The following ME3 variants were observed in gnomAD, a reference collection of about 807,000 sequenced individuals.
ME3 encodes the protein malic enzyme 3.
In ME3, 48 loss-of-function variants were observed where a neutral mutation model predicts 68.9. The observed-to-expected ratio is 0.70, with a 90% CI of 0.55 to 0.89. The LOEUF is 0.89. Among genes scored for constraint, ME3 ranks in the 40% least tolerant of loss-of-function variants. ME3 has a pLI of 0.00. For synonymous variants in ME3, 320 were observed against 318.8 expected, an observed-to-expected ratio of 1.00 and a Z score of -0.04; for missense variants, 675 against 797.4, an observed-to-expected ratio of 0.85 and a Z score of 1.85.
chr11:86,545,992 G>T (rs547079585), intron 4 of ME3, among the ~76,000 whole-genome samples: 45 of 152,136 alleles, frequency 3.0e-4, no homozygotes, highest in Non-Finnish European at 5.6e-4. Flanking sequence ...CAGAACAGAG[G>T]CCTCAGAAAT....
At chr11:86,450,484 GGACTGTGGAGGAACAGGC>G in intron 8 of ME3, 86 bp from the exon 9 acceptor site, 2 of 1,096,916 alleles carry the variant, frequency 1.8e-6, no homozygotes, top group Non-Finnish European at 2.7e-6. Flanking sequence ...CCCACATCTG[GGACTGTGGAGGAACAGGC>G]AACTTTTCTT....
At chr11:86,586,036 A>G (rs574874475) in intron 2 of ME3, among the ~76,000 whole-genome samples, 8 of 152,322 alleles carry the variant, frequency 5.3e-5, no homozygotes, top group Non-Finnish European at 1.0e-4. Flanking sequence ...GAGTTGATGG[A>G]GTTATACTGG....
At chr11:86,569,132 G>A (rs572889969) in intron 2 of ME3, among the ~76,000 whole-genome samples, 5 of 152,184 alleles carry the variant, frequency 3.3e-5, no homozygotes, top group Non-Finnish European at 2.9e-5. Flanking sequence ...TTGTGTTCAC[G>A]GGGCAGGGTG....
chr11:86,550,749 A>T (rs1029923657), intron 4 of ME3, among the ~76,000 whole-genome samples: 2 of 151,876 alleles, frequency 1.3e-5, no homozygotes, highest in Non-Finnish European at 2.9e-5. Context: ...TTCCCAACCA[A>T]CGGACACCTG....
chr11:86,659,250 T>C (rs1313929616), intron 2 of ME3, among the ~76,000 whole-genome samples: 1 of 152,178 alleles, frequency 6.6e-6, no homozygotes, highest in African/African-American at 2.4e-5. Flanking sequence ...ATCTGCATTG[T>C]TTTAATATTC....
intron 2 of ME3, among the ~76,000 whole-genome samples, chr11:86,617,337 G>T (rs977018029): frequency 2.6e-5 from 4 of 151,732 alleles, no homozygotes; most frequent in African/African-American, 4.8e-5. Flanking sequence ...TAGTTTGAAG[G>T]TTCTTCTTTC....
intron 14 of ME3, 86 bp downstream of exon 14, chr11:86,442,735 T>G: frequency 1.8e-6 from 2 of 1,134,066 alleles, no homozygotes; most frequent in South Asian, 1.5e-5. Context: ...CTCCACAGTT[T>G]CCATCCCCTT....
chr11:86,463,459 C>T (rs1950328347), intron 8 of ME3, among the ~76,000 whole-genome samples: 2 of 152,244 alleles, frequency 1.3e-5, no homozygotes, highest in East Asian at 3.8e-4. Context: ...CTTCCCCCCA[C>T]CAGCGCATCT....
intron 13 of ME3, among the ~76,000 whole-genome samples, chr11:86,443,392 G>C (rs1003416628): frequency 6.6e-6 from 1 of 152,206 alleles, no homozygotes; most frequent in Non-Finnish European, 1.5e-5. Flanking sequence ...TCTGAGGAAG[G>C]CCTCTCCTCC....
intron 2 of ME3, among the ~76,000 whole-genome samples, chr11:86,585,704 A>C (rs886770771): frequency 6.6e-6 from 1 of 152,210 alleles, no homozygotes; most frequent in Non-Finnish European, 1.5e-5. Flanking sequence ...GAAAATGATG[A>C]GCAAAAAGAT....
intron 4 of ME3, among the ~76,000 whole-genome samples, chr11:86,520,898 C>A (rs1047611585): frequency 1.3e-5 from 2 of 152,168 alleles, no homozygotes; most frequent in African/African-American, 4.8e-5. Context: ...GAGCCTGTTC[C>A]TCAGTCGGTA....
chr11:86,568,734 T>C (rs1957620264), intron 2 of ME3, among the ~76,000 whole-genome samples: 1 of 152,224 alleles, frequency 6.6e-6, no homozygotes, highest in African/African-American at 2.4e-5. Flanking sequence ...GGGGTCAGTC[T>C]CCCAGTACTG....
chr11:86,535,225 C>A (rs941911642), intron 4 of ME3, among the ~76,000 whole-genome samples: 2 of 152,194 alleles, frequency 1.3e-5, no homozygotes, highest in Non-Finnish European at 2.9e-5. Flanking sequence ...TCCACTCCCA[C>A]CCCCTTACAA....
chr11:86,610,747 C>T (rs1434669227), intron 2 of ME3, among the ~76,000 whole-genome samples: 1 of 152,134 alleles, frequency 6.6e-6, no homozygotes, highest in Non-Finnish European at 1.5e-5. Context: ...TGCTCACAAG[C>T]ATGAACAATA....
At chr11:86,554,410 G>A (rs1161090770) in intron 4 of ME3, among the ~76,000 whole-genome samples, 1 of 152,126 alleles carries the variant, frequency 6.6e-6, no homozygotes, top group East Asian at 1.9e-4. Context: ...TTTTGGGTTT[G>A]GTTTCCTTCT....
chr11:86,447,243 C>G (rs757968662), intron 11 of ME3, 36 bp from the exon 12 acceptor site: 6 of 1,605,924 alleles, frequency 3.7e-6, no homozygotes, highest in East Asian at 4.5e-5. Context: ...GATGCCTGCT[C>G]TCTATAAACA....
intron 4 of ME3, among the ~76,000 whole-genome samples, chr11:86,521,787 A>C (rs758717379): frequency 1.3e-5 from 2 of 152,220 alleles, no homozygotes; most frequent in Admixed American, 6.5e-5. Flanking sequence ...CTAGGTGTCT[A>C]CTATAGAAAG....
intron 2 of ME3, among the ~76,000 whole-genome samples, chr11:86,671,311 G>C (rs1436133426): frequency 6.6e-6 from 1 of 152,080 alleles, no homozygotes; most frequent in African/African-American, 2.4e-5. Context: ...CTCCCACTGG[G>C]TACCAGGCAC....
intron 2 of ME3, among the ~76,000 whole-genome samples, chr11:86,617,062 T>G (rs1329012767): frequency 7.2e-6 from 1 of 139,360 alleles, no homozygotes; most frequent in African/African-American, 2.6e-5. Context: ...TTTTTTTTTT[T>G]TTTTTTTTTT....
Sources: allele counts gnomAD v4.1 joint callset (sites outside exome capture counted in the v4.1 genomes callset), GRCh38; gene constraint gnomAD v4.1.1; transcripts MANE v1.5; gene names NCBI Gene and HGNC (gene_info 2026-07-23, HGNC 2026-07-21).